The following CHD8 variants were observed in gnomAD, a reference collection of about 807,000 sequenced individuals.
CHD8 encodes the protein ATP-dependent chromatin remodeler CHD8.
A neutral mutation model predicts 279.2 loss-of-function variants in CHD8; 31 were observed. That is an observed-to-expected ratio of 0.11 (90% CI 0.08 to 0.15). CHD8 has a LOEUF of 0.15. Among genes scored for constraint, CHD8 ranks in the 10% least tolerant of loss-of-function variants. CHD8 has a pLI of 1.00. For synonymous variants in CHD8, 1,081 were observed against 1,139.6 expected, an observed-to-expected ratio of 0.95 and a Z score of 1.04; for missense variants, 2,146 against 3,230.5, an observed-to-expected ratio of 0.66 and a Z score of 8.14.
At chr14:21,416,288 G>GT (rs1447323671) in intron 5 of CHD8, 13 of 162,346 alleles carry the variant, frequency 8.0e-5, no homozygotes, top group East Asian at 1.8e-4. Flanking sequence ...TAGTTCTGAA[G>GT]TTTTTTTTGT....
intron 26 of CHD8, chr14:21,398,538 A>C (rs1887890825): frequency 6.6e-6 from 1 of 152,302 alleles, no homozygotes; most frequent in African/African-American, 2.4e-5. Flanking sequence ...AGCACCTGCA[A>C]TTTTATTTAT....
chr14:21,434,891 G>A (rs1209498532), intron 1 of CHD8, among the ~76,000 whole-genome samples: 2 of 151,858 alleles, frequency 1.3e-5, no homozygotes, highest in Non-Finnish European at 2.9e-5. Flanking sequence ...TCCACATACG[G>A]CCTATTTATT....
chr14:21,448,147 T>C (rs893435630), intron 1 of CHD8, among the ~76,000 whole-genome samples: 1 of 152,238 alleles, frequency 6.6e-6, no homozygotes, highest in Non-Finnish European at 1.5e-5. Flanking sequence ...GGAATTGTTT[T>C]CACTGCAACC....
At position 21,431,505 on chromosome 14, in the gene CHD8, C is replaced by T; in HGVS notation, c.139G>A (p.Asp47Asn). The change falls in exon 2 of 38, where the codon GAT (aspartate) becomes AAT (asparagine). Residue 47 changes from aspartate (D) to asparagine (N), a missense_variant. Physicochemically the swap from Asp to Asn is conservative, Grantham distance 23. Around this residue, in one of 26 missense-constraint regions of CHD8, gnomAD observed 302 missense variants for 325.5 expected, o/e 0.93. Transcript: ENST00000646647. ...LGLPSSLDSL[D>N]QMNQDGGGGD... Reference sequence around the variant, plus strand: ...CCTCCACCATCCTGGTTCATCTGATCCAAGGAGTCCAGAGAGCTTGGCAGT... The same window carrying T: ...CCTCCACCATCCTGGTTCATCTGATTCAAGGAGTCCAGAGAGCTTGGCAGT... The T allele has an allele frequency of 6.5e-7, 1 of 1,537,202 alleles. No individual in the cohort carries two copies. The highest frequency in any genetic ancestry group is 1.2e-5 in the South Asian group (1 of 84,058).
rs1381321148 is a variant in CHD8, at chr14:21,402,150, TAGAA to T, written c.3883-18_3883-15del. The stretch of plus-strand genomic sequence containing the variant: ...GAACTGTTGGATCTGTAAAAACCAA[TAGAA>T]AGATGAAAAGACTATCAAGAGAATA... On this transcript the variant is annotated splice_polypyrimidine_tract_variant and intron_variant, in intron 19 of 37. Transcript: ENST00000646647. This position sits in a 1 kb window ranked among gnomAD's most constrained non-coding sequence, Gnocchi z 4.5. 1 of 1,578,566 alleles carries T rather than the reference TAGAA, an allele frequency of 6.3e-7. No individual in the cohort carries two copies. Among genetic ancestry groups the T allele is most frequent in the Non-Finnish European group, 8.6e-7 (1 of 1,164,082 alleles).
intron 2 of CHD8, chr14:21,430,510 A>C: frequency 3.2e-6 from 1 of 308,326 alleles, no homozygotes; most frequent in Non-Finnish European, 6.1e-6. Context: ...CTTGCTTAAT[A>C]TCTGTCTTTC....
intron 26 of CHD8, chr14:21,399,033 C>T: frequency 2.5e-6 from 1 of 397,780 alleles, no homozygotes. Flanking sequence ...GGAGGGCATC[C>T]CACCTGACCA....
chr14:21,436,689 T>C (rs1256995353), intron 1 of CHD8, among the ~76,000 whole-genome samples: 5 of 152,122 alleles, frequency 3.3e-5, no homozygotes, highest in Non-Finnish European at 7.4e-5. Context: ...TTTGGGGGAA[T>C]ATAAGGCTGG....
At chr14:21,449,816 T>G (rs959755335) in intron 1 of CHD8, among the ~76,000 whole-genome samples, 1 of 152,232 alleles carries the variant, frequency 6.6e-6, no homozygotes, top group Non-Finnish European at 1.5e-5. Context: ...CAGATCCAGC[T>G]TACTTAGCTT....
intron 14 of CHD8, among the ~76,000 whole-genome samples, 186 bp downstream of exon 14, chr14:21,406,669 TA>T (rs1248366557): frequency 6.6e-6 from 1 of 152,222 alleles, no homozygotes; most frequent in African/African-American, 2.4e-5. Context: ...TGGTTATCAC[TA>T]AACTTCCCAA....
chr14:21,445,747 A>G (rs1017575041), intron 1 of CHD8, among the ~76,000 whole-genome samples: 13 of 149,536 alleles, frequency 8.7e-5, no homozygotes, highest in African/African-American at 3.2e-4. Flanking sequence ...AACACCTGTA[A>G]TCTCAGCACT....
chr14:21,436,249 G>A (rs1053928649), intron 1 of CHD8, among the ~76,000 whole-genome samples: 1 of 152,188 alleles, frequency 6.6e-6, no homozygotes, highest in African/African-American at 2.4e-5. Context: ...AAGAAGATCA[G>A]TTGCAGATAG....
intron 5 of CHD8, among the ~76,000 whole-genome samples, chr14:21,419,054 T>C (rs1056031735): frequency 6.6e-6 from 1 of 152,216 alleles, no homozygotes; most frequent in African/African-American, 2.4e-5. Flanking sequence ...GATATGTATA[T>C]TCTACGTCAT....
chr14:21,405,699 C>G lies in CHD8; in HGVS notation c.3051+22G>C. On this transcript the variant is annotated intron_variant, in intron 15 of 37. Coordinates refer to ENST00000646647, the MANE Select transcript of CHD8 (RefSeq NM_001170629.2). This position sits in a 1 kb window ranked among gnomAD's most constrained non-coding sequence, Gnocchi z 4.2. ...TCACCTTCTTTGTCCTGAGTTAGTA[C>G]CTCATCAGATAGATTTCCTACCTGT... 2 of 1,612,462 alleles carry G rather than the reference C, an allele frequency of 1.2e-6. No individual in the cohort carries two copies. The highest frequency in any genetic ancestry group is 1.7e-6 in the Non-Finnish European group (2 of 1,179,000).
intron 1 of CHD8, among the ~76,000 whole-genome samples, chr14:21,440,859 GAGAGGAC>G (rs1462490584): frequency 6.6e-6 from 1 of 152,166 alleles, no homozygotes; most frequent in African/African-American, 2.4e-5. Context: ...TCTAGGGGGT[GAGAGGAC>G]AGAGGACACA....
At chr14:21,449,173 C>A (rs1170319464) in intron 1 of CHD8, among the ~76,000 whole-genome samples, 1 of 151,748 alleles carries the variant, frequency 6.6e-6, no homozygotes, top group African/African-American at 2.4e-5. Context: ...GACTTCATCG[C>A]AAAATAAATA....
At position 21,415,708 on chromosome 14, in the gene CHD8, T is replaced by C; in HGVS notation, c.1899+17A>G. Reference sequence around the variant, plus strand: ...CAGCAAGGCAATCCTCTGAAATCATTTGAGTTTACAGCTTACCACAAAGAA... The same window carrying C: ...CAGCAAGGCAATCCTCTGAAATCATCTGAGTTTACAGCTTACCACAAAGAA... On this transcript the variant is annotated intron_variant, in intron 6 of 37. Coordinates refer to ENST00000646647, the MANE Select transcript of CHD8 (RefSeq NM_001170629.2). 1.2e-6 allele frequency: 2 copies of C among 1,613,310 alleles called. No homozygotes were observed. Among genetic ancestry groups the C allele is most frequent in the Admixed American group, 1.7e-5 (1 of 59,914 alleles).
At chr14:21,429,622 A>G (rs533567944) in intron 2 of CHD8, 16 of 484,294 alleles carry the variant, frequency 3.3e-5, no homozygotes, top group East Asian at 9.3e-5. Context: ...ACCTGGGCCA[A>G]TTCATCCCTC....
At chr14:21,445,911 A>T (rs1890105905) in intron 1 of CHD8, among the ~76,000 whole-genome samples, 1 of 152,062 alleles carries the variant, frequency 6.6e-6, no homozygotes, top group African/African-American at 2.4e-5. Flanking sequence ...GAGGCAGGAG[A>T]ATCAGTTGAA....
Sources: allele counts gnomAD v4.1 joint callset (sites outside exome capture counted in the v4.1 genomes callset), GRCh38; gene constraint gnomAD v4.1.1; regional missense constraint gnomAD v4.1.1; non-coding constraint Gnocchi (gnomAD v3.1); transcripts MANE v1.5; gene names NCBI Gene and HGNC (gene_info 2026-07-23, HGNC 2026-07-21).